The following URB1 variants were observed in gnomAD, a reference collection of about 807,000 sequenced individuals.
The protein encoded by URB1 is nucleolar pre-ribosomal-associated protein 1.
A neutral mutation model predicts 242.3 loss-of-function variants in URB1; 197 were observed. That is an observed-to-expected ratio of 0.81 (90% confidence interval 0.72 to 0.91). The LOEUF (loss-of-function observed/expected upper bound fraction) is 0.91, where lower values mean the gene tolerates loss of function less well. Among genes scored for constraint, URB1 ranks in the 40% least tolerant of loss-of-function variants. URB1 has a pLI of 0.00. For missense variants in URB1, 2,721 were observed against 2,860.5 expected (o/e 0.95, Z 1.11); for synonymous variants, 1,153 against 1,201.8 (o/e 0.96, Z 0.84).
chr21:32,345,498 G>T lies in URB1; in HGVS notation c.3946C>A (p.Pro1316Thr). The T allele has an allele frequency of 6.4e-7, 1 of 1,551,474 alleles. No homozygotes were observed. Among genetic ancestry groups the T allele is most frequent in the Non-Finnish European group, 8.7e-7 (1 of 1,146,828 alleles). The part of the protein sequence containing the change: ...LQSRLLSTDS[P>T]PASGLYQEIL... ...TCCTGGTACAGCCCAGATGCTGGGG[G>T]ACTGTCAGTGCTAAGAAGCCTGCTC... Residue 1316 changes from proline to threonine, a missense_variant, in exon 23 of 39, where the codon CCC (proline) becomes ACC (threonine). Pro to Thr is a conservative substitution (Grantham distance 38). Coordinates refer to ENST00000382751, the MANE Select transcript of URB1 (RefSeq NM_014825.3).
chr21:32,321,830 G>C lies in URB1; in HGVS notation c.5455C>G (p.His1819Asp). 1 of 1,551,720 alleles carries C rather than the reference G, an allele frequency of 6.4e-7. No homozygotes were observed. Among genetic ancestry groups the C allele is most frequent in the Non-Finnish European group, 8.7e-7 (1 of 1,147,004 alleles). ...GCTGCCTCGTCACACAGCGGGCTGT[G>C]GAAGAAGGACAGGATGATGTGGAAG... The part of the protein sequence containing the change: ...GIFHIILSFF[H>D]SPLCDEAAQN... Residue 1819 changes from histidine to aspartate, a missense_variant, in exon 34 of 39, where the codon CAC becomes GAC. By Grantham distance (81) the His-to-Asp change is moderately conservative. Transcript: ENST00000382751.
rs918752802 is a variant in URB1 at position 32,393,009 on chromosome 21, G to T, written c.-99C>A. On this transcript the variant is annotated 5_prime_UTR_variant, in exon 1 of 39. Transcript: ENST00000382751. ...GACACGCGCTTCAGGCCCACATGGCGCAGGAAGAGGCGGGGCTGGCGGAAG... is the reference window on the plus strand; with the variant it reads ...GACACGCGCTTCAGGCCCACATGGCTCAGGAAGAGGCGGGGCTGGCGGAAG... The T allele has an allele frequency of 4.4e-6, 6 of 1,369,628 alleles. No individual in the cohort carries two copies. In the African/African-American group the frequency reaches 6.0e-5, roughly 14 times the overall value. 84.8% of individuals were successfully genotyped at this position (1,369,628 alleles called of 1,614,324 possible).
intron 30 of URB1, among the ~76,000 whole-genome samples, chr21:32,326,401 G>C (rs1430754111): frequency 6.6e-6 from 1 of 152,152 alleles, no homozygotes; most frequent in Non-Finnish European, 1.5e-5. Flanking sequence ...AAAAGTTAAA[G>C]AAAGATAAAG....
At chr21:32,381,493 G>A (rs1483683714) in intron 4 of URB1, among the ~76,000 whole-genome samples, 1 of 150,022 alleles carries the variant, frequency 6.7e-6, no homozygotes, top group East Asian at 1.9e-4. Context: ...AAAAGCAGGG[G>A]ATGGCATGAG....
chr21:32,346,854 C>T, intron 22 of URB1, 102 bp downstream of exon 22: 1 of 1,426,438 alleles, frequency 7.0e-7, no homozygotes, highest in Non-Finnish European at 9.2e-7. Flanking sequence ...TAACCCACAT[C>T]CCAGAACCTG....
At chr21:32,378,577 A>G (rs767527966) in intron 4 of URB1, 36 bp from the exon 5 acceptor site, 148 of 1,511,736 alleles carry the variant, frequency 9.8e-5, no homozygotes, top group Non-Finnish European at 1.2e-4. Context: ...TCACATGCAT[A>G]TTCCACATAC....
At chr21:32,339,432 G>A (rs1241629305) in intron 25 of URB1, among the ~76,000 whole-genome samples, 1 of 151,792 alleles carries the variant, frequency 6.6e-6, no homozygotes, top group Non-Finnish European at 1.5e-5. Context: ...TCTGTCCACT[G>A]ACACAGGGAG....
chr21:32,375,591 T>C, intron 5 of URB1, 108 bp from the exon 6 acceptor site: 1 of 626,516 alleles, frequency 1.6e-6, no homozygotes. Context: ...CATTTACTTT[T>C]TCAAGTTTTT....
intron 4 of URB1, among the ~76,000 whole-genome samples, chr21:32,381,806 A>T (rs767923185): frequency 3.3e-5 from 5 of 152,220 alleles, no homozygotes; most frequent in Non-Finnish European, 5.9e-5. Context: ...ACTGCCCCAG[A>T]GGAAACTGAA....
chr21:32,321,810 C>T lies in URB1; in HGVS notation c.5475G>A (p.Glu1825=). The T allele has an allele frequency of 1.9e-6, 3 of 1,551,692 alleles. No individual in the cohort carries two copies. The highest frequency in any genetic ancestry group is 1.4e-5 in the African/African-American group (1 of 73,168). ...LSFFHSPLCD[E]AAQNWILEIL... The stretch of plus-strand genomic sequence containing the variant: ...TGCGGAACCCATGTACCTGTGCTGC[C>T]TCGTCACACAGCGGGCTGTGGAAGA... The change falls in exon 34 of 39, where the codon GAG becomes GAA. Residue 1825 remains glutamate, a synonymous_variant. Coordinates refer to ENST00000382751, the MANE Select transcript of URB1 (RefSeq NM_014825.3).
intron 26 of URB1, 50 bp from the exon 27 acceptor site, chr21:32,337,564 G>T: frequency 6.8e-7 from 1 of 1,466,664 alleles, no homozygotes; most frequent in South Asian, 1.2e-5. Context: ...CAGACACACT[G>T]AATACCAGAA....
In URB1 at chr21:32,369,917, A is replaced by G. The variant is rs1324895870; in HGVS notation, c.1002-1319T>C. Among the ~76,000 whole-genome samples, 6 of 150,846 alleles carry G rather than the reference A, an allele frequency of 4.0e-5. No homozygotes were observed. In the Admixed American group the frequency reaches 4.0e-4, roughly 10 times the overall value. The stretch of plus-strand genomic sequence containing the variant: ...GGTGAGCCCAGGACTTCAAGGCTGC[A>G]GTAACCTACGACTGTGCCACTGCCT... On this transcript the variant is annotated intron_variant, in intron 8 of 38. Transcript: ENST00000382751.
chr21:32,326,896 C>T (rs1363118951), intron 30 of URB1, among the ~76,000 whole-genome samples: 1 of 152,036 alleles, frequency 6.6e-6, no homozygotes, highest in African/African-American at 2.4e-5. Context: ...AGTGATTAGA[C>T]ACTAGACCAA....
chr21:32,333,568 C>G lies in URB1; in HGVS notation c.4858-149G>C, dbSNP rs540214323. 11 of 636,716 alleles carry G rather than the reference C, an allele frequency of 1.7e-5. No individual in the cohort carries two copies. The East Asian group carries it at 3.1e-4, about 18-fold the overall frequency. The allele number at this position is 636,716 out of a possible 1,614,324, so 39.4% of individuals were successfully genotyped here. On this transcript the variant is annotated intron_variant, in intron 29 of 38. Coordinates refer to ENST00000382751, the MANE Select transcript of URB1 (RefSeq NM_014825.3). Reference sequence around the variant, plus strand: ...TAATGAGATATCTTGGGGATGGGAGCCAAGTTTAAACACACAAATCATTTA... The same window carrying G: ...TAATGAGATATCTTGGGGATGGGAGGCAAGTTTAAACACACAAATCATTTA...
intron 36 of URB1, among the ~76,000 whole-genome samples, chr21:32,318,450 T>G (rs1305314610): frequency 6.6e-6 from 1 of 152,244 alleles, no homozygotes; most frequent in African/African-American, 2.4e-5. Context: ...CAACTGGTTC[T>G]TAGACACCAG....
At chr21:32,371,689 G>A (rs1009722454) in intron 8 of URB1, among the ~76,000 whole-genome samples, 1 of 152,040 alleles carries the variant, frequency 6.6e-6, no homozygotes, top group Non-Finnish European at 1.5e-5. Context: ...TATAATGCTA[G>A]GATAGAATAA....
intron 22 of URB1, 138 bp downstream of exon 22, chr21:32,346,818 T>G: frequency 8.0e-7 from 1 of 1,253,722 alleles, no homozygotes; most frequent in Non-Finnish European, 1.1e-6. Flanking sequence ...TTCTCCATCT[T>G]CAGAGTTGTG....
intron 9 of URB1, among the ~76,000 whole-genome samples, chr21:32,367,635 TCAAAAGGAAGGTAA>T (rs1272753992): frequency 2.0e-5 from 3 of 152,310 alleles, no homozygotes; most frequent in Non-Finnish European, 2.9e-5. Context: ...GACATTATGA[TCAAAAGGAAGGTAA>T]CGCACATCCA....
At chr21:32,366,318 G>A (rs1166803386) in intron 10 of URB1, among the ~76,000 whole-genome samples, 2 of 152,124 alleles carry the variant, frequency 1.3e-5, no homozygotes, top group African/African-American at 4.8e-5. Context: ...TCATCCTCAG[G>A]CAGGACTAGA....
Sources: allele counts gnomAD v4.1 joint callset (sites outside exome capture counted in the v4.1 genomes callset), GRCh38; gene constraint gnomAD v4.1.1; transcripts MANE v1.5; gene names NCBI Gene and HGNC (gene_info 2026-07-23, HGNC 2026-07-21).